The following CTNNA2 variants were observed in gnomAD, a reference collection of about 807,000 sequenced individuals.
CTNNA2 encodes catenin alpha-2.
In CTNNA2, 42 loss-of-function variants were observed where a neutral mutation model predicts 101.0. The ratio of observed to expected loss-of-function variants is 0.42; its 90% confidence interval spans 0.32 to 0.54. CTNNA2 has a LOEUF of 0.54. Among genes scored for constraint, CTNNA2 ranks in the 20% least tolerant of loss-of-function variants. The pLI is 0.14. For synonymous variants in CTNNA2, 450 were observed against 456.4 expected (o/e 0.99, Z 0.18); for missense variants, 871 against 1,223.1 (o/e 0.71, Z 4.29).
intron 2 of CTNNA2, among the ~76,000 whole-genome samples, chr2:79,701,909 C>T (rs142429288): frequency 1.2e-4 from 18 of 146,794 alleles, no homozygotes; most frequent in Admixed American, 5.0e-4. Context: ...GGCTAAGGCA[C>T]GAGCATTTCT....
intron 2 of CTNNA2, among the ~76,000 whole-genome samples, chr2:79,677,506 C>T (rs1376372709): frequency 6.6e-6 from 1 of 152,118 alleles, no homozygotes; most frequent in Non-Finnish European, 1.5e-5. Flanking sequence ...ATAGGAAACA[C>T]ACACACACGT....
intron 17 of CTNNA2, among the ~76,000 whole-genome samples, chr2:80,615,913 A>G (rs1472213536): frequency 6.6e-6 from 1 of 151,754 alleles, no homozygotes; most frequent in Non-Finnish European, 1.5e-5. Flanking sequence ...TATCTTAAAT[A>G]GTAATTTTCC....
Position 79,429,713 on chromosome 2 carries a change from G to A in CTNNA2, c.-135+55700G>A, listed in dbSNP as rs1007056837. Among the ~76,000 whole-genome samples, 6 of 152,160 alleles carry A rather than the reference G, an allele frequency of 3.9e-5. No homozygotes were observed. The South Asian group carries it at 1.2e-3, about 32-fold the overall frequency. On this transcript the variant is annotated intron_variant, in intron 4 of 21. Coordinates refer to the CTNNA2 transcript ENST00000466387. ...AAATACACAGATTTAAACTGAATAA[G>A]AGTTTTCAAATGAAACTCCAAGGGC... is the stretch of plus-strand genomic sequence containing the variant.
At chr2:79,588,454 G>A (rs992817277) in intron 1 of CTNNA2, among the ~76,000 whole-genome samples, 5 of 152,068 alleles carry the variant, frequency 3.3e-5, no homozygotes, top group Admixed American at 6.6e-5. Flanking sequence ...ATTTATTTTA[G>A]CATTGCTATC....
chr2:79,713,397 G>A (rs1464239012), intron 2 of CTNNA2, among the ~76,000 whole-genome samples: 1 of 152,120 alleles, frequency 6.6e-6, no homozygotes, highest in African/African-American at 2.4e-5. Context: ...AGTGAGCTGT[G>A]ATCATGCCAC....
intron 3 of CTNNA2, among the ~76,000 whole-genome samples, chr2:79,813,399 A>G (rs946585883): frequency 1.3e-5 from 2 of 152,186 alleles, no homozygotes; most frequent in African/African-American, 4.8e-5. Flanking sequence ...GATGGAAGAC[A>G]GGTAGATTCA....
chr2:80,586,675 T>C (rs115264885), intron 14 of CTNNA2, among the ~76,000 whole-genome samples: 2,260 of 152,306 alleles, frequency 0.015, 52 homozygotes, highest in African/African-American at 0.052. Flanking sequence ...TCAAGCACCT[T>C]TTCAAATACA....
At chr2:79,899,759 T>C (rs2104271762) in intron 6 of CTNNA2, among the ~76,000 whole-genome samples, 1 of 152,348 alleles carries the variant, frequency 6.6e-6, no homozygotes, top group East Asian at 1.9e-4. Context: ...TATAAAATAC[T>C]TTGCAATTTA....
intron 2 of CTNNA2, among the ~76,000 whole-genome samples, chr2:79,276,899 A>T (rs573084992): frequency 1.3e-5 from 2 of 152,272 alleles, no homozygotes; most frequent in South Asian, 2.1e-4. Flanking sequence ...AGCCAGGTTC[A>T]CACACTTACC....
At chr2:80,634,416 C>T (rs1283794374) in intron 18 of CTNNA2, among the ~76,000 whole-genome samples, 2 of 151,908 alleles carry the variant, frequency 1.3e-5, no homozygotes, top group African/African-American at 4.8e-5. Flanking sequence ...AGCGCTAAGG[C>T]CTTACATTGC....
chr2:80,158,918 A>G (rs1704139916), intron 7 of CTNNA2, among the ~76,000 whole-genome samples: 1 of 152,150 alleles, frequency 6.6e-6, no homozygotes, highest in Non-Finnish European at 1.5e-5. Context: ...CTCAAAAAAA[A>G]AAAAAAAAGA....
At chr2:79,924,558 G>A (rs796193918) in intron 7 of CTNNA2, among the ~76,000 whole-genome samples, 49 of 152,242 alleles carry the variant, frequency 3.2e-4, no homozygotes, top group African/African-American at 1.1e-3. Flanking sequence ...GCCACACCTT[G>A]CTTTTGTTTT....
intron 4 of CTNNA2, among the ~76,000 whole-genome samples, chr2:79,454,305 AT>A: frequency 6.6e-6 from 1 of 152,314 alleles, no homozygotes; most frequent in Admixed American, 6.5e-5. Flanking sequence ...ATAATTCACA[AT>A]ATATGTAATT....
chr2:79,723,693 C>T (rs114873529), intron 2 of CTNNA2, among the ~76,000 whole-genome samples: 4 of 152,144 alleles, frequency 2.6e-5, no homozygotes, highest in Admixed American at 1.3e-4. Context: ...TCTTGCTGAT[C>T]ATACATATGG....
intron 9 of CTNNA2, among the ~76,000 whole-genome samples, chr2:80,526,636 C>T (rs184697850): frequency 0.01 from 1,540 of 152,246 alleles, 14 homozygotes; most frequent in Non-Finnish European, 0.014. Flanking sequence ...CCGGGCCTCT[C>T]TGTGCCTCAA....
intron 7 of CTNNA2, among the ~76,000 whole-genome samples, chr2:80,027,800 T>C (rs917509873): frequency 1.3e-4 from 19 of 151,346 alleles, no homozygotes; most frequent in African/African-American, 4.1e-4. Flanking sequence ...AGACCCTGTT[T>C]CTACAAAAAA....
intron 9 of CTNNA2, among the ~76,000 whole-genome samples, chr2:80,501,531 G>C (rs939511439): frequency 2.7e-4 from 41 of 152,158 alleles, no homozygotes; most frequent in African/African-American, 9.4e-4. Flanking sequence ...CCATGGAAGA[G>C]AAATTCATTA....
intron 7 of CTNNA2, among the ~76,000 whole-genome samples, chr2:79,976,171 G>A (rs1403421798): frequency 6.6e-6 from 1 of 152,136 alleles, no homozygotes; most frequent in Non-Finnish European, 1.5e-5. Flanking sequence ...TCTCACAAGA[G>A]GAAAATTTTA....
chr2:80,171,183 C>T (rs910362806), intron 7 of CTNNA2, among the ~76,000 whole-genome samples: 4 of 152,198 alleles, frequency 2.6e-5, no homozygotes, highest in Non-Finnish European at 5.9e-5. Context: ...ATAACATTGG[C>T]TCCAAATGAA....
Sources: allele counts gnomAD v4.1 joint callset (sites outside exome capture counted in the v4.1 genomes callset), GRCh38; gene constraint gnomAD v4.1.1; transcripts MANE v1.5; gene names NCBI Gene and HGNC (gene_info 2026-07-23, HGNC 2026-07-21).